DZANK1: variants seen among roughly 807,000 people sequenced by gnomAD.
DZANK1 encodes double zinc ribbon and ankyrin repeat-containing protein 1.
Under a neutral mutation model 94.5 loss-of-function variants are expected in DZANK1, and 91 were observed. The ratio of observed to expected loss-of-function variants is 0.96; its 90% CI spans 0.81 to 1.15. The LOEUF (loss-of-function observed/expected upper bound fraction) is 1.15, where lower values mean the gene tolerates loss of function less well. DZANK1 is among the 50% of genes most tolerant of loss of function. DZANK1 has a pLI of 0.00. For missense variants in DZANK1, 903 were observed against 916.4 expected (o/e 0.99, Z 0.19); for synonymous variants, 312 against 325.3 (o/e 0.96, Z 0.44).
At chr20:18,398,536 G>T (rs2056486667) in exon 14 of DZANK1, 1 of 1,613,768 alleles carries the variant, frequency 6.2e-7, no homozygotes. Flanking sequence ...TCCCATCCTG[G>T]GTTCTGCAAT....
Position 18,384,579 on chromosome 20 carries a change from G to A in DZANK1, c.2094-15C>T, listed in dbSNP as rs776880312. ...TTGCATTGCATCTGCAAAGGAAATG[G>A]AGAAACGGAGGTGCACTGAAGGACT... On this transcript the variant is annotated splice_polypyrimidine_tract_variant and intron_variant, in intron 20 of 20. Coordinates refer to ENST00000262547, the Ensembl canonical transcript of DZANK1. 6.3e-7 allele frequency: 1 copy of A among 1,583,788 alleles called. No homozygotes were observed. The highest frequency in any genetic ancestry group is 8.6e-7 in the Non-Finnish European group (1 of 1,164,630).
chr20:18,385,160 T>A (rs530564971), intron 19 of DZANK1, 70 bp from the exon 20 acceptor site: 1 of 1,465,952 alleles, frequency 6.8e-7, no homozygotes, highest in East Asian at 2.5e-5. Flanking sequence ...AGGATGCATG[T>A]GACCCAAGGT....
chr20:18,384,989 G>T, intron 20 of DZANK1, 27 bp downstream of exon 20: 1 of 1,548,296 alleles, frequency 6.5e-7, no homozygotes, highest in East Asian at 2.4e-5. Flanking sequence ...GCCCTCAAAA[G>T]TATCCATCAG....
In DZANK1 at chr20:18,408,476, A is replaced by G. The variant is rs553694166; in HGVS notation, c.1432+4170T>C. ...CAAGACATTTCATAATTAAACTCTA[A>G]AAGGTCAAGGATAAAGAAAGTATCC... On this transcript the variant is annotated intron_variant, in intron 13 of 20. Coordinates refer to ENST00000262547, the Ensembl canonical transcript of DZANK1. Among the ~76,000 whole-genome samples the G allele has an allele frequency of 8.5e-5, 13 of 152,324 alleles. No individual in the cohort carries two copies. In the East Asian group the frequency reaches 2.5e-3, roughly 29 times the overall value.
At chr20:18,458,544 C>G (rs577788141) in intron 3 of DZANK1, among the ~76,000 whole-genome samples, 7 of 152,316 alleles carry the variant, frequency 4.6e-5, no homozygotes, top group Non-Finnish European at 8.8e-5. Context: ...ATTCATAAAT[C>G]TGGTTACAGA....
intron 4 of DZANK1, among the ~76,000 whole-genome samples, chr20:18,454,852 G>C (rs1458812755): frequency 1.3e-5 from 2 of 152,250 alleles, no homozygotes; most frequent in Non-Finnish European, 2.9e-5. Context: ...CTGGGTGCCA[G>C]GATAGCAGTG....
In DZANK1 at chr20:18,453,847, A is replaced by G. The variant is rs369463775; in HGVS notation, c.379-20T>C. On this transcript the variant is annotated intron_variant, in intron 4 of 20. Transcript: ENST00000262547. Reference sequence around the variant, plus strand: ...GAATTCCTAGGAATGAAGAGATTGCATATCAATCACTTGGTTATTCCCATG... The same window carrying G: ...GAATTCCTAGGAATGAAGAGATTGCGTATCAATCACTTGGTTATTCCCATG... The G allele has an allele frequency of 2.9e-5, 39 of 1,364,116 alleles. No individual in the cohort carries two copies. Among genetic ancestry groups the G allele is most frequent in the South Asian group, 1.6e-4 (14 of 86,032 alleles). 84.5% of individuals were successfully genotyped at this position (1,364,116 alleles called of 1,614,324 possible).
chr20:18,409,169 A>C (rs1294691617), intron 13 of DZANK1, among the ~76,000 whole-genome samples: 1 of 152,078 alleles, frequency 6.6e-6, no homozygotes, highest in Non-Finnish European at 1.5e-5. Flanking sequence ...TTTTTAAATA[A>C]AAAATTTAAA....
chr20:18,433,051 T>C (rs1053434750), intron 9 of DZANK1: 9 of 152,210 alleles, frequency 5.9e-5, no homozygotes, highest in African/African-American at 1.7e-4. Context: ...CTAACTGCAA[T>C]GTTGGAGTTT....
Position 18,403,796 on chromosome 20 carries a change from CT to C in DZANK1, c.1433-5171del, listed in dbSNP as rs35824877. On this transcript the variant is annotated intron_variant, in intron 13 of 20. Coordinates refer to ENST00000262547, the Ensembl canonical transcript of DZANK1. ...ACAGATTCATAAACTAACTTTCTTTCTTTTTTTTTTTTTTTTTTTTTGAGAT... is the reference window on the plus strand; with the variant it reads ...ACAGATTCATAAACTAACTTTCTTTCTTTTTTTTTTTTTTTTTTTTGAGAT... Among the ~76,000 whole-genome samples, 998 of 111,726 alleles carry C rather than the reference CT, an allele frequency of 8.9e-3. 5 individuals are homozygous for C. Among genetic ancestry groups the C allele is most frequent in the African/African-American group, 0.028 (830 of 29,558 alleles). The allele number at this position is 111,726 out of a possible 152,430, so 73.3% of individuals were successfully genotyped here.
intron 6 of DZANK1, among the ~76,000 whole-genome samples, chr20:18,450,187 A>T (rs2059050289): frequency 6.6e-6 from 1 of 152,228 alleles, no homozygotes. Context: ...GTCTGAACTT[A>T]GGACTACAGG....
rs556818359 is a variant in DZANK1 at position 18,416,628 on chromosome 20, T to C, written c.955-1179A>G. On this transcript the variant is annotated intron_variant, in intron 10 of 20. Coordinates refer to ENST00000262547, the Ensembl canonical transcript of DZANK1. ...AAGACACACATTTTAGTTCACTCTA[T>C]CTGCCCAGCTCTATCCCGTTTTGCT... Among the ~76,000 whole-genome samples, 3 of 152,300 alleles carry C rather than the reference T, an allele frequency of 2.0e-5. No homozygotes were observed. In the South Asian group the frequency reaches 6.2e-4, roughly 32 times the overall value.
chr20:18,451,250 C>T (rs1029207654), intron 6 of DZANK1, among the ~76,000 whole-genome samples: 1 of 152,084 alleles, frequency 6.6e-6, no homozygotes, highest in African/African-American at 2.4e-5. Flanking sequence ...AGCCAATATG[C>T]CTTTTATTAA....
chr20:18,426,999 T>G, intron 10 of DZANK1, 68 bp downstream of exon 10: 1 of 1,201,428 alleles, frequency 8.3e-7, no homozygotes, highest in Non-Finnish European at 1.2e-6. Context: ...CAGATTCTGT[T>G]TCTCTATTAT....
chr20:18,438,934 A>G (rs571340605), intron 8 of DZANK1, among the ~76,000 whole-genome samples: 2 of 152,288 alleles, frequency 1.3e-5, no homozygotes, highest in South Asian at 4.2e-4. Context: ...CCTCCCAAAG[A>G]CCCAACCTTC....
chr20:18,465,263 C>T, exon 2 of DZANK1: 1 of 1,594,034 alleles, frequency 6.3e-7, no homozygotes, highest in Non-Finnish European at 8.6e-7. Flanking sequence ...ATTTCATTTC[C>T]AAAAGCGTAT....
At chr20:18,420,257 A>T (rs2057714556) in intron 10 of DZANK1, 1 of 193,896 alleles carries the variant, frequency 5.2e-6, no homozygotes. Context: ...ATAAGCTTGC[A>T]CCCATAGGTG....
At chr20:18,449,240 C>A (rs537594313) in intron 6 of DZANK1, among the ~76,000 whole-genome samples, 171 bp from the exon 7 acceptor site, 5 of 151,820 alleles carry the variant, frequency 3.3e-5, no homozygotes, top group African/African-American at 9.7e-5. Flanking sequence ...TGGGAAAAGG[C>A]GAGGGCTGAA....
chr20:18,412,739 C>G, exon 13 of DZANK1: 2 of 1,613,712 alleles, frequency 1.2e-6, no homozygotes, highest in Non-Finnish European at 1.7e-6. Flanking sequence ...TCCTTTTTTG[C>G]TAGCAGCTTG....
Sources: gnomAD v4.1 joint callset for allele counts (sites outside exome capture counted in the v4.1 genomes callset) on GRCh38, gnomAD v4.1.1 for gene constraint, MANE v1.5 for transcripts, NCBI Gene and HGNC (gene_info 2026-07-23, HGNC 2026-07-21) for gene names.